Variants in LRP1B observed in about 807,000 individuals in gnomAD.
LRP1B encodes low-density lipoprotein receptor-related protein 1B.
LRP1B carries 217 observed loss-of-function variants against 556.6 expected under a neutral mutation model. That is an observed-to-expected ratio of 0.39 (90% confidence interval 0.35 to 0.44). The LOEUF (loss-of-function observed/expected upper bound fraction) is 0.44, where lower values mean the gene tolerates loss of function less well. LRP1B is among the 20% of genes least tolerant of loss of function. The pLI is 1.00. For missense variants in LRP1B, 5,053 were observed against 5,620.8 expected (o/e 0.90, Z 3.23); for synonymous variants, 2,047 against 1,865.8 (o/e 1.10, Z -2.50).
intron 2 of LRP1B, among the ~76,000 whole-genome samples, chr2:141,628,292 G>A (rs940623983): frequency 7.9e-5 from 12 of 152,054 alleles, no homozygotes; most frequent in Admixed American, 4.6e-4. Context: ...AGAGATGAAG[G>A]TAAACATTGT....
chr2:141,244,915 A>G (rs1558956802), intron 5 of LRP1B, among the ~76,000 whole-genome samples: 1 of 152,130 alleles, frequency 6.6e-6, no homozygotes, highest in Non-Finnish European at 1.5e-5. Context: ...CTAGAGGTGA[A>G]GAGATTTATG....
chr2:141,852,637 G>A (rs561803497), intron 1 of LRP1B, among the ~76,000 whole-genome samples: 2 of 151,736 alleles, frequency 1.3e-5, no homozygotes, highest in African/African-American at 4.8e-5. Flanking sequence ...AGTGAGAAGA[G>A]ATTCAAGTAC....
At chr2:140,954,728 C>T (rs1293658109) in intron 18 of LRP1B, among the ~76,000 whole-genome samples, 1 of 151,942 alleles carries the variant, frequency 6.6e-6, no homozygotes, top group Non-Finnish European at 1.5e-5. Context: ...TAACCTTCTG[C>T]CCACACTGAA....
At chr2:141,828,036 C>G (rs1280746269) in intron 1 of LRP1B, among the ~76,000 whole-genome samples, 1 of 151,950 alleles carries the variant, frequency 6.6e-6, no homozygotes, top group Admixed American at 6.6e-5. Context: ...ATTGTTTGAG[C>G]ATCAACTTTG....
At chr2:141,098,717 G>A (rs1051834400) in intron 7 of LRP1B, among the ~76,000 whole-genome samples, 9 of 152,174 alleles carry the variant, frequency 5.9e-5, no homozygotes, top group Non-Finnish European at 2.9e-5. Context: ...GGGTGCGATG[G>A]CACGATCTTG....
intron 1 of LRP1B, among the ~76,000 whole-genome samples, chr2:141,901,436 A>G (rs1216316550): frequency 6.6e-6 from 1 of 152,042 alleles, no homozygotes; most frequent in Non-Finnish European, 1.5e-5. Context: ...CCCTTGAAGG[A>G]TAACTAACTT....
At chr2:140,275,054 A>G (rs529679758) in intron 84 of LRP1B, among the ~76,000 whole-genome samples, 1 of 152,112 alleles carries the variant, frequency 6.6e-6, no homozygotes, top group East Asian at 2.0e-4. Context: ...TTACATCGGT[A>G]TAGCACTGGA....
intron 32 of LRP1B, among the ~76,000 whole-genome samples, chr2:140,790,131 C>T (rs951637728): frequency 4.6e-5 from 7 of 152,124 alleles, no homozygotes; most frequent in Non-Finnish European, 8.8e-5. Context: ...CTATCTTCCT[C>T]AACCAAATGC....
Position 140,309,881 on chromosome 2 carries a change from G to A in LRP1B, c.12805+5054C>T, listed in dbSNP as rs142231782. On this transcript the variant is annotated intron_variant, in intron 83 of 90. Transcript: ENST00000389484. ...GAATTTCAATTTTATCTCCAATTTC[G>A]TAATACTACAAATAACACAATCAAA... 6.0e-3 allele frequency among the ~76,000 whole-genome samples: 903 copies of A among 151,424 alleles called. 7 individuals carry two copies. Among genetic ancestry groups the A allele is most frequent in the Middle Eastern group, 0.01 (3 of 294 alleles).
chr2:141,551,494 C>A (rs1030277649), intron 2 of LRP1B, among the ~76,000 whole-genome samples: 2 of 151,922 alleles, frequency 1.3e-5, no homozygotes, highest in African/African-American at 4.8e-5. Context: ...TTTTTATTGA[C>A]CTCTTTATTA....
At chr2:140,567,237 C>G (rs1249142813) in intron 43 of LRP1B, among the ~76,000 whole-genome samples, 1 of 152,162 alleles carries the variant, frequency 6.6e-6, no homozygotes, top group Admixed American at 6.5e-5. Context: ...AGGGTCCAAG[C>G]AACAGCTGTG....
intron 79 of LRP1B, among the ~76,000 whole-genome samples, chr2:140,331,820 C>T (rs1367782925): frequency 1.3e-5 from 2 of 151,706 alleles, no homozygotes; most frequent in East Asian, 1.9e-4. Flanking sequence ...CTTAGCCTCT[C>T]GAGTAGCTGG....
intron 1 of LRP1B, among the ~76,000 whole-genome samples, chr2:142,017,179 A>T (rs1703175363): frequency 6.6e-6 from 1 of 152,244 alleles, no homozygotes; most frequent in African/African-American, 2.4e-5. Flanking sequence ...TTGAAATATT[A>T]GTCTTAGAAA....
intron 1 of LRP1B, among the ~76,000 whole-genome samples, chr2:141,937,238 G>A (rs1485854723): frequency 7.2e-5 from 11 of 151,776 alleles, no homozygotes; most frequent in African/African-American, 2.4e-4. Context: ...TTAGCCGGGT[G>A]TGGTGGTGGG....
At chr2:140,644,177 G>A (rs891346740) in intron 41 of LRP1B, among the ~76,000 whole-genome samples, 5 of 152,158 alleles carry the variant, frequency 3.3e-5, no homozygotes, top group African/African-American at 1.2e-4. Flanking sequence ...TCACAGAACT[G>A]AGTGGCAGGG....
chr2:141,714,131 T>G (rs7570091), intron 2 of LRP1B, among the ~76,000 whole-genome samples: 13,695 of 152,114 alleles, frequency 0.09, 705 homozygotes, highest in South Asian at 0.13. Context: ...ATAAAGTTAG[T>G]GGAAAGGGGG....
intron 31 of LRP1B, among the ~76,000 whole-genome samples, chr2:140,828,384 C>A (rs1026641878): frequency 6.7e-6 from 1 of 149,966 alleles, no homozygotes; most frequent in Non-Finnish European, 1.5e-5. Flanking sequence ...CCGAGGCAGG[C>A]GGATCACGAG....
intron 2 of LRP1B, among the ~76,000 whole-genome samples, chr2:141,679,688 T>C (rs1194259030): frequency 6.6e-6 from 1 of 152,096 alleles, no homozygotes; most frequent in Non-Finnish European, 1.5e-5. Context: ...ACAAACTAAA[T>C]ATACATCAAC....
Position 140,485,267 on chromosome 2 carries a change from G to A in LRP1B, c.9425+76C>T, listed in dbSNP as rs986402758. The A allele has an allele frequency of 3.1e-5, 33 of 1,066,278 alleles. 1 individual carries two copies. In the African/African-American group the frequency reaches 5.2e-4, roughly 17 times the overall value. The allele number at this position is 1,066,278 out of a possible 1,614,324, so 66.1% of individuals were successfully genotyped here. On this transcript the variant is annotated intron_variant, in intron 59 of 90. Transcript: ENST00000389484. ...CGTTACATTGGATTTCCATGTTAATGATCTATAGTACTAGATTTACTACTA... is the reference window on the plus strand; with the variant it reads ...CGTTACATTGGATTTCCATGTTAATAATCTATAGTACTAGATTTACTACTA...
Sources: gnomAD v4.1 joint callset for allele counts (sites outside exome capture counted in the v4.1 genomes callset) on GRCh38, gnomAD v4.1.1 for gene constraint, MANE v1.5 for transcripts, NCBI Gene and HGNC (gene_info 2026-07-23, HGNC 2026-07-21) for gene names.